The following ASAH2 variants were observed in gnomAD, a reference collection of about 807,000 sequenced individuals.
ASAH2 encodes the protein N-acylsphingosine amidohydrolase 2.
In ASAH2, 58 loss-of-function variants were observed where a neutral mutation model predicts 82.9. The observed-to-expected ratio is 0.70, with a 90% confidence interval of 0.57 to 0.87. ASAH2 has a LOEUF of 0.87. Among genes scored for constraint, ASAH2 ranks in the 40% least tolerant of loss-of-function variants. The pLI is 0.00. For synonymous variants in ASAH2, 276 were observed against 289.7 expected, an observed-to-expected ratio of 0.95 and a Z score of 0.48; for missense variants, 779 against 834.0, an observed-to-expected ratio of 0.93 and a Z score of 0.81.
Position 50,206,647 on chromosome 10 carries a change from T to G in ASAH2, c.1415-550A>C, listed in dbSNP as rs1015395872. Among the ~76,000 whole-genome samples the G allele has an allele frequency of 3.9e-4, 59 of 151,030 alleles. No individual in the cohort carries two copies. In the East Asian group the frequency reaches 9.9e-3, roughly 25 times the overall value. On this transcript the variant is annotated intron_variant, in intron 12 of 20. Coordinates refer to ENST00000682911, the MANE Select transcript of ASAH2 (RefSeq NM_019893.4). ...GTAAAAGGTTTTGTAACTATAAAAC[T>G]TATGAATTAAGAATCTATACTCTAT...
chr10:50,235,261 A>G (rs1276088445), intron 5 of ASAH2, among the ~76,000 whole-genome samples: 1 of 152,078 alleles, frequency 6.6e-6, no homozygotes, highest in Non-Finnish European at 1.5e-5. Context: ...TGGGGGTGAC[A>G]TTGTAAGAAA....
At chr10:50,195,983 T>C (rs1160766265) in intron 18 of ASAH2, among the ~76,000 whole-genome samples, 2 of 151,858 alleles carry the variant, frequency 1.3e-5, no homozygotes, top group African/African-American at 2.4e-5. Context: ...AGGGCTACTG[T>C]ACAACTTGAT....
Position 50,240,374 on chromosome 10 carries a change from C to T in ASAH2, c.510+2828G>A, listed in dbSNP as rs937093020. ...AGTATGATGATTACTGTTTTCTTAA[C>T]TGGACCCTCACCAATAAAGCCTCAG... is the stretch of plus-strand genomic sequence containing the variant. On this transcript the variant is annotated intron_variant, in intron 4 of 20. Coordinates refer to ENST00000682911, the MANE Select transcript of ASAH2 (RefSeq NM_019893.4). 1.6e-5 allele frequency: 11 copies of T among 694,158 alleles called. No individual in the cohort carries two copies. The Middle Eastern group carries it at 6.9e-4, about 44-fold the overall frequency. 43.0% of individuals were successfully genotyped at this position (694,158 alleles called of 1,614,324 possible).
At chr10:50,198,655 G>T (rs1845056331) in intron 17 of ASAH2, among the ~76,000 whole-genome samples, 2 of 152,110 alleles carry the variant, frequency 1.3e-5, no homozygotes, top group South Asian at 2.1e-4. Flanking sequence ...ATCTGGCAAG[G>T]ATTAGAGAAC....
At chr10:50,213,131 G>A in intron 9 of ASAH2, 73 bp from the exon 10 acceptor site, 1 of 1,299,184 alleles carries the variant, frequency 7.7e-7, no homozygotes, top group Non-Finnish European at 1.1e-6. Context: ...AATTATAACT[G>A]AATCTAAGCA....
chr10:50,221,262 A>T (rs1438333390), intron 7 of ASAH2, among the ~76,000 whole-genome samples: 1 of 152,180 alleles, frequency 6.6e-6, no homozygotes, highest in Non-Finnish European at 1.5e-5. Context: ...TTTTCCAGTT[A>T]CATGGATTTT....
At chr10:50,234,224 T>C (rs1030819) in intron 6 of ASAH2, among the ~76,000 whole-genome samples, 41,516 of 151,860 alleles carry the variant, frequency 0.27, 6,388 homozygotes, top group East Asian at 0.59. Flanking sequence ...AGTGGAAAGA[T>C]ACATTAATAA....
At chr10:50,237,019 A>G (rs1345747930) in intron 4 of ASAH2, among the ~76,000 whole-genome samples, 2 of 152,172 alleles carry the variant, frequency 1.3e-5, no homozygotes, top group Non-Finnish European at 2.9e-5. Context: ...CATAAGGAAA[A>G]AGAAAGTAGT....
intron 7 of ASAH2, among the ~76,000 whole-genome samples, chr10:50,232,682 C>T (rs2133223892): frequency 6.6e-6 from 1 of 152,260 alleles, no homozygotes; most frequent in African/African-American, 2.4e-5. Context: ...TCACTTGCTT[C>T]CTTTAGGTGT....
intron 5 of ASAH2, 136 bp from the exon 6 acceptor site, chr10:50,234,688 G>A (rs919763309): frequency 0.28 from 345,849 of 1,237,302 alleles, 51,281 homozygotes; most frequent in Non-Finnish European, 0.31. Context: ...GATAAAAGCT[G>A]GAGAACCACA....
chr10:50,224,545 A>C (rs1845831711), intron 7 of ASAH2, among the ~76,000 whole-genome samples: 2 of 152,168 alleles, frequency 1.3e-5, no homozygotes, highest in African/African-American at 4.8e-5. Context: ...GTGAGTGCTC[A>C]CAAAATGCCC....
chr10:50,202,777 T>C (rs1845187575), intron 16 of ASAH2, 52 bp downstream of exon 16: 5 of 1,204,508 alleles, frequency 4.2e-6, no homozygotes, highest in Non-Finnish European at 5.0e-6. Context: ...TTTGACACAA[T>C]AGTCTTTACT....
Position 50,212,960 on chromosome 10 carries a change from C to A in ASAH2, c.1227+12G>T, listed in dbSNP as rs928142283. 80 of 1,610,438 alleles carry A rather than the reference C, an allele frequency of 5.0e-5. No individual in the cohort carries two copies. Among genetic ancestry groups the A allele is most frequent in the Admixed American group, 2.5e-4 (15 of 59,968 alleles). On this transcript the variant is annotated intron_variant, in intron 10 of 20. Coordinates refer to ENST00000682911, the MANE Select transcript of ASAH2 (RefSeq NM_019893.4). Reference sequence around the variant, plus strand: ...TTAAACAAAGATTAAAGGAGCGAGGCCCATGGCTTACCTTTGCTCTCTGAT... The same window carrying A: ...TTAAACAAAGATTAAAGGAGCGAGGACCATGGCTTACCTTTGCTCTCTGAT...
intron 4 of ASAH2, among the ~76,000 whole-genome samples, chr10:50,237,609 A>G (rs2133227721): frequency 6.6e-6 from 1 of 152,304 alleles, no homozygotes; most frequent in Admixed American, 6.5e-5. Context: ...GACTCAGTAA[A>G]TGTTTAGTGA....
At position 50,251,257 on chromosome 10, in the gene ASAH2, G is replaced by A. The variant is rs190071595; in HGVS notation, c.-37+138C>T. Among the ~76,000 whole-genome samples the A allele has an allele frequency of 2.6e-5, 4 of 152,218 alleles. No homozygotes were observed. The East Asian group carries it at 7.7e-4, about 29-fold the overall frequency. On this transcript the variant is annotated intron_variant, in intron 1 of 20. Coordinates refer to ENST00000682911, the MANE Select transcript of ASAH2 (RefSeq NM_019893.4). ...CCTGTTTTTCAAGGAGAGAGTAAAA[G>A]GTAACAATTTGGCAAAAGAGGGTTC...
At chr10:50,229,411 T>C (rs1845972316) in intron 7 of ASAH2, among the ~76,000 whole-genome samples, 1 of 152,182 alleles carries the variant, frequency 6.6e-6, no homozygotes, top group Non-Finnish European at 1.5e-5. Flanking sequence ...AACAGATTTT[T>C]CTGACATAGA....
intron 7 of ASAH2, among the ~76,000 whole-genome samples, chr10:50,219,799 G>A (rs895438687): frequency 5.3e-5 from 8 of 152,156 alleles, no homozygotes; most frequent in East Asian, 1.9e-4. Flanking sequence ...TTGGCTCTAC[G>A]CAGGCAACAC....
chr10:50,188,891 T>A (rs1554902721), intron 20 of ASAH2, among the ~76,000 whole-genome samples: 1 of 130,078 alleles, frequency 7.7e-6, no homozygotes, highest in Non-Finnish European at 1.6e-5. Context: ...AGAAGTATTG[T>A]CTTATTTCAG....
intron 7 of ASAH2, among the ~76,000 whole-genome samples, chr10:50,226,214 C>A (rs1006889367): frequency 6.6e-6 from 1 of 152,032 alleles, no homozygotes; most frequent in African/African-American, 2.4e-5. Context: ...TACTACATGG[C>A]AATTTTTAAA....
Sources: allele counts gnomAD v4.1 joint callset (sites outside exome capture counted in the v4.1 genomes callset), GRCh38; gene constraint gnomAD v4.1.1; transcripts MANE v1.5; gene names NCBI Gene and HGNC (gene_info 2026-07-23, HGNC 2026-07-21).